Variants in KCTD6 observed in about 807,000 individuals in gnomAD.
KCTD6 encodes the protein BTB/POZ domain-containing protein KCTD6.
A neutral mutation model predicts 18.7 loss-of-function variants in KCTD6; 6 were observed. The observed-to-expected ratio is 0.32, with a 90% CI of 0.18 to 0.63. KCTD6 has a LOEUF of 0.63. KCTD6 is among the 30% of genes least tolerant of loss of function. The pLI, the probability that KCTD6 is intolerant of heterozygous loss-of-function variation, is 0.79. For synonymous variants in KCTD6, 86 were observed against 108.5 expected (o/e 0.79, Z 1.29); for missense variants, 165 against 300.2 (o/e 0.55, Z 3.33).
rs1311901036 is a variant in KCTD6, at chr3:58,492,682, A to G, written c.-44+513A>G. ...GATTTTCTGCCCTGAAGAGACTCTC[A>G]GATCGCAGCTGAGTTCTTTATGCCT... On this transcript the variant is annotated intron_variant, in intron 1 of 2. Transcript: ENST00000404589. This position sits in a 1 kb window ranked among gnomAD's most constrained non-coding sequence, Gnocchi z 6.1. Among the ~76,000 whole-genome samples, 1 of 152,214 alleles carries G rather than the reference A, an allele frequency of 6.6e-6. No homozygotes were observed. Among genetic ancestry groups the G allele is most frequent in the Non-Finnish European group, 1.5e-5 (1 of 68,022 alleles).
At position 58,496,967 on chromosome 3, in the gene KCTD6, T is replaced by C. The variant is rs2063177701; in HGVS notation, c.-43-1746T>C. ...TTGCTCAGTTACTAATCTGTTGTTA[T>C]CAGTAACTGAATCAGATCCTGGCAA... is the stretch of plus-strand genomic sequence containing the variant. On this transcript the variant is annotated intron_variant, in intron 1 of 2. Coordinates refer to ENST00000404589, the MANE Select transcript of KCTD6 (RefSeq NM_001128214.2). This position sits in a 1 kb window ranked among gnomAD's most constrained non-coding sequence, Gnocchi z 5.1. Among the ~76,000 whole-genome samples the C allele has an allele frequency of 6.6e-6, 1 of 152,232 alleles. No homozygotes were observed.
rs1203423436 is a variant in KCTD6 at position 58,502,251 on chromosome 3, T to A, written c.*619T>A. 1 of 152,440 alleles carries A rather than the reference T, an allele frequency of 6.6e-6. No homozygotes were observed. Among genetic ancestry groups the A allele is most frequent in the Non-Finnish European group, 1.5e-5 (1 of 68,016 alleles). The allele number at this position is 152,440 out of a possible 1,614,324, so 9.4% of individuals were successfully genotyped here. ...TATATTGAATTCTGAATACAAAATG[T>A]CCCTGTGGTAGAAAACTTACTCTTT... is the stretch of plus-strand genomic sequence containing the variant. On this transcript the variant is annotated 3_prime_UTR_variant, in exon 3 of 3. Transcript: ENST00000404589.
rs771451590 is a variant in KCTD6, at chr3:58,501,096, C to A, written c.178C>A (p.Arg60=). Reference sequence around the variant, plus strand: ...CCCTCAAGGCAATTACTTTATTGATCGAGATGGACCTCTTTTCCGATATGT... The same window carrying A: ...CCCTCAAGGCAATTACTTTATTGATAGAGATGGACCTCTTTTCCGATATGT... The part of the protein sequence containing the change: ...RDPQGNYFID[R]DGPLFRYVLN... The change falls in exon 3 of 3, where the codon CGA becomes AGA. Residue 60 remains arginine, a synonymous_variant. Transcript: ENST00000404589. The surrounding 1 kb of genome is among the most constrained non-coding windows in gnomAD (Gnocchi z 9.7). 1.2e-6 allele frequency: 2 copies of A among 1,614,116 alleles called. No individual in the cohort carries two copies. The highest frequency in any genetic ancestry group is 2.2e-5 in the East Asian group (1 of 44,888).
intron 1 of KCTD6, among the ~76,000 whole-genome samples, chr3:58,495,701 A>G (rs2063172356): frequency 1.3e-5 from 2 of 152,142 alleles, no homozygotes; most frequent in African/African-American, 4.8e-5. Context: ...GCTTCAATTT[A>G]TTTTGATGTA....
intron 2 of KCTD6, chr3:58,500,258 C>T (rs1438433683): frequency 6.7e-6 from 1 of 149,386 alleles, no homozygotes; most frequent in Non-Finnish European, 1.5e-5. Context: ...TAGGACTACT[C>T]AGGCCACCAC....
rs989678599 is a variant in KCTD6 at position 58,496,007 on chromosome 3, T to G, written c.-43-2706T>G. ...CAACATTGATGTCTGCTTTTTTCCTTGTCTTTGATCTTCTGTTTCTCATTT... is the reference window on the plus strand; with the variant it reads ...CAACATTGATGTCTGCTTTTTTCCTGGTCTTTGATCTTCTGTTTCTCATTT... On this transcript the variant is annotated intron_variant, in intron 1 of 2. Transcript: ENST00000404589. This position sits in a 1 kb window ranked among gnomAD's most constrained non-coding sequence, Gnocchi z 5.1. Among the ~76,000 whole-genome samples the G allele has an allele frequency of 6.6e-6, 1 of 152,188 alleles. No homozygotes were observed. Among genetic ancestry groups the G allele is most frequent in the Non-Finnish European group, 1.5e-5 (1 of 68,030 alleles).
chr3:58,499,473 T>C (rs888316543), intron 2 of KCTD6, among the ~76,000 whole-genome samples: 2 of 152,094 alleles, frequency 1.3e-5, no homozygotes, highest in African/African-American at 4.8e-5. Flanking sequence ...CCTATTTTTC[T>C]ATTCCTTTGG....
At position 58,501,113 on chromosome 3, in the gene KCTD6, C is replaced by T. The variant is rs766262860; in HGVS notation, c.195C>T (p.Phe65=). ...NYFIDRDGPL[F]RYVLNFLRTS... is the part of the protein sequence containing the mutation. Reference sequence around the variant, plus strand: ...TTATTGATCGAGATGGACCTCTTTTCCGATATGTCCTCAACTTCTTAAGAA... The same window carrying T: ...TTATTGATCGAGATGGACCTCTTTTTCGATATGTCCTCAACTTCTTAAGAA... The change falls in exon 3 of 3, where the codon TTC becomes TTT. Residue 65 remains phenylalanine (F), a synonymous_variant. Coordinates refer to ENST00000404589, the MANE Select transcript of KCTD6 (RefSeq NM_001128214.2). The surrounding 1 kb of genome is among the most constrained non-coding windows in gnomAD (Gnocchi z 9.7). 16 of 1,614,074 alleles carry T rather than the reference C, an allele frequency of 9.9e-6. No homozygotes were observed. The East Asian group carries it at 3.6e-4, about 36-fold the overall frequency.
At position 58,499,052 on chromosome 3, in the gene KCTD6, C is replaced by T. The variant is rs905907351; in HGVS notation, c.27+270C>T. Among the ~76,000 whole-genome samples, 57 of 152,162 alleles carry T rather than the reference C, an allele frequency of 3.7e-4. 1 individual carries two copies. Among genetic ancestry groups the T allele is most frequent in the African/African-American group, 1.3e-3 (55 of 41,500 alleles). ...TGGCGCGATCTTGGCTCACTGCAAC[C>T]TCCACCTCCTAGGTTCAAGAGATTC... On this transcript the variant is annotated intron_variant, in intron 2 of 2. Transcript: ENST00000404589.
intron 2 of KCTD6, among the ~76,000 whole-genome samples, chr3:58,500,120 A>AT (rs890497388): frequency 6.7e-4 from 98 of 145,246 alleles, no homozygotes; most frequent in East Asian, 4.6e-3. Context: ...AATTTAAATA[A>AT]TTTTTTTTTT....
intron 1 of KCTD6, among the ~76,000 whole-genome samples, chr3:58,495,818 C>G (rs2063172896): frequency 1.3e-5 from 2 of 150,242 alleles, no homozygotes; most frequent in South Asian, 2.1e-4. Flanking sequence ...TTCATTACAT[C>G]TTTGTACCGG....
Position 58,498,641 on chromosome 3 carries a change from G to A in KCTD6, c.-43-72G>A, listed in dbSNP as rs1285874384. ...TCTGGTGTTTGGCCTCCTCTGTTGG[G>A]TGGAAAAAGACTTTCTTCTCTATTT... On this transcript the variant is annotated intron_variant, in intron 1 of 2. Coordinates refer to ENST00000404589, the MANE Select transcript of KCTD6 (RefSeq NM_001128214.2). The surrounding 1 kb of genome is among the most constrained non-coding windows in gnomAD (Gnocchi z 4.6). 1.2e-6 allele frequency: 1 copy of A among 850,380 alleles called. No homozygotes were observed. The highest frequency in any genetic ancestry group is 2.0e-6 in the Non-Finnish European group (1 of 500,690). The allele number at this position is 850,380 out of a possible 1,614,324, so 52.7% of individuals were successfully genotyped here.
In KCTD6 at chr3:58,496,931, G is replaced by A. The variant is rs2063177573; in HGVS notation, c.-43-1782G>A. Among the ~76,000 whole-genome samples, 1 of 152,140 alleles carries A rather than the reference G, an allele frequency of 6.6e-6. No homozygotes were observed. The highest frequency in any genetic ancestry group is 1.5e-5 in the Non-Finnish European group (1 of 68,018). On this transcript the variant is annotated intron_variant, in intron 1 of 2. Coordinates refer to ENST00000404589, the MANE Select transcript of KCTD6 (RefSeq NM_001128214.2). This position sits in a 1 kb window ranked among gnomAD's most constrained non-coding sequence, Gnocchi z 5.1. ...ATCTTACCAGAACTTTTGGATGAGT[G>A]GCCTTTTAAATTGCTCAGTTACTAA...
chr3:58,501,526 TC>T lies in KCTD6; in HGVS notation c.609del (p.Phe203LeufsTer11), dbSNP rs1560205483. 6.7e-7 allele frequency: 1 copy of T among 1,494,538 alleles called. No individual in the cohort carries two copies. The highest frequency in any genetic ancestry group is 1.4e-5 in the African/African-American group (1 of 70,906). The allele number at this position is 1,494,538 out of a possible 1,614,324, so 92.6% of individuals were successfully genotyped here. On this transcript the variant is annotated frameshift_variant, in exon 3 of 3. Transcript: ENST00000404589. LOFTEE classifies it high-confidence loss of function. This position sits in a 1 kb window ranked among gnomAD's most constrained non-coding sequence, Gnocchi z 9.7. The part of the protein sequence containing the change: ...HLMEYITKQG[F>X]TIRNTRVHHM... ...ATGGAATACATTACAAAACAAGGTTTCACGATCCGCAACACCCGGGTGCATC... is the reference window on the plus strand; with the variant it reads ...ATGGAATACATTACAAAACAAGGTTTACGATCCGCAACACCCGGGTGCATC...
intron 2 of KCTD6, among the ~76,000 whole-genome samples, chr3:58,499,454 A>G (rs2063194754): frequency 6.6e-6 from 1 of 151,208 alleles, no homozygotes; most frequent in Non-Finnish European, 1.5e-5. Context: ...TTGTGTGTGC[A>G]TATGTCTCCC....
chr3:58,500,214 C>T (rs1459568347), intron 2 of KCTD6: 2 of 150,690 alleles, frequency 1.3e-5, no homozygotes, highest in East Asian at 3.9e-4. Context: ...CTCCTGGGTT[C>T]AAGTGATTCT....
chr3:58,500,346 G>A (rs1325033031), intron 2 of KCTD6: 2 of 135,940 alleles, frequency 1.5e-5, no homozygotes, highest in African/African-American at 5.6e-5. Context: ...GGCTGGTCTT[G>A]AACTCCTGAG....
Position 58,498,504 on chromosome 3 carries a change from A to G in KCTD6, c.-43-209A>G. 1 of 479,982 alleles carries G rather than the reference A, an allele frequency of 2.1e-6. No homozygotes were observed. The highest frequency in any genetic ancestry group is 3.6e-6 in the Non-Finnish European group (1 of 277,172). 29.7% of individuals were successfully genotyped at this position (479,982 alleles called of 1,614,324 possible). On this transcript the variant is annotated intron_variant, in intron 1 of 2. Transcript: ENST00000404589. The surrounding 1 kb of genome is among the most constrained non-coding windows in gnomAD (Gnocchi z 4.6). ...AAAATCTTCAGTCTCTTAGTTCCAG[A>G]TGGGTTCTCTATGGTAAGAATACAG...
chr3:58,494,755 A>G (rs2063168737), intron 1 of KCTD6, among the ~76,000 whole-genome samples: 1 of 152,216 alleles, frequency 6.6e-6, no homozygotes. Flanking sequence ...TTACTGAATT[A>G]TGTATGCATT....
Sources: gnomAD v4.1 joint callset for allele counts (sites outside exome capture counted in the v4.1 genomes callset) on GRCh38, gnomAD v4.1.1 for gene constraint, Gnocchi (gnomAD v3.1) non-coding constraint, MANE v1.5 for transcripts, NCBI Gene and HGNC (gene_info 2026-07-23, HGNC 2026-07-21) for gene names.